Variants in KIAA1549L observed in about 807,000 individuals in gnomAD.
KIAA1549L encodes KIAA1549 like.
KIAA1549L carries 88 observed loss-of-function variants against 160.7 expected under a neutral mutation model. That is an observed-to-expected ratio of 0.55 (90% CI 0.46 to 0.65). The LOEUF (loss-of-function observed/expected upper bound fraction) is 0.65. KIAA1549L is among the 30% of genes least tolerant of loss of function. The probability of loss-of-function intolerance (pLI) is 0.00; values close to 1 mark genes in which losing one functional copy is unlikely to be tolerated. For missense variants in KIAA1549L, 2,258 were observed against 2,437.5 expected (o/e 0.93, Z 1.55); for synonymous variants, 950 against 976.7 (o/e 0.97, Z 0.51).
chr11:33,524,628 A>G lies in KIAA1549L; in HGVS notation c.239-17174A>G, dbSNP rs755120577. ...TCTAGGTATAGCTTTTACTGTTCCA[A>G]CTGAGTGTTGGGAGAGTGTTAAAAA... On this transcript the variant is annotated intron_variant, in intron 1 of 20. Coordinates refer to ENST00000658780, the MANE Select transcript of KIAA1549L (RefSeq NM_012194.3). 4.1e-4 allele frequency among the ~76,000 whole-genome samples: 63 copies of G among 152,194 alleles called. 1 individual carries two copies. Among genetic ancestry groups the G allele is most frequent in the Non-Finnish European group, 7.1e-4 (48 of 68,038 alleles).
At chr11:33,616,888 C>T (rs1485967173) in intron 15 of KIAA1549L, among the ~76,000 whole-genome samples, 2 of 152,114 alleles carry the variant, frequency 1.3e-5, no homozygotes, top group African/African-American at 4.8e-5. Context: ...CCTGTAATCG[C>T]AGCACTTTGG....
intron 16 of KIAA1549L, among the ~76,000 whole-genome samples, chr11:33,631,950 C>T (rs1851301915): frequency 6.6e-6 from 1 of 152,142 alleles, no homozygotes; most frequent in Non-Finnish European, 1.5e-5. Flanking sequence ...GACTCCTGAG[C>T]TGAGACTTGA....
intron 16 of KIAA1549L, among the ~76,000 whole-genome samples, chr11:33,638,398 T>C (rs925903265): frequency 5.3e-5 from 2 of 37,790 alleles, no homozygotes; most frequent in South Asian, 1.3e-3. Flanking sequence ...GATTCATCTA[T>C]GTTATTTTAT....
intron 11 of KIAA1549L, among the ~76,000 whole-genome samples, chr11:33,587,173 ATTG>A (rs1849908910): frequency 6.6e-6 from 1 of 152,206 alleles, no homozygotes. Flanking sequence ...GTTGGCTTTT[ATTG>A]TTACCCATGC....
chr11:33,524,158 C>T (rs1226751936), intron 1 of KIAA1549L, among the ~76,000 whole-genome samples: 3 of 152,104 alleles, frequency 2.0e-5, no homozygotes, highest in Non-Finnish European at 4.4e-5. Flanking sequence ...GTTAATCTGT[C>T]TGTTTAGGTT....
At position 33,671,321 on chromosome 11, in the gene KIAA1549L, A is replaced by G. The variant is rs941026478; in HGVS notation, c.*3167A>G. ...GTGTCACTGTGAGGCAGCAGAGTCCATGCTCTGCATCAGGGGAGGTGCAGT... is the reference window on the plus strand; with the variant it reads ...GTGTCACTGTGAGGCAGCAGAGTCCGTGCTCTGCATCAGGGGAGGTGCAGT... On this transcript the variant is annotated 3_prime_UTR_variant, in exon 21 of 21. Coordinates refer to ENST00000658780, the MANE Select transcript of KIAA1549L (RefSeq NM_012194.3). 6 of 152,204 alleles carry G rather than the reference A, an allele frequency of 3.9e-5. No homozygotes were observed. Among genetic ancestry groups the G allele is most frequent in the Non-Finnish European group, 8.8e-5 (6 of 68,048 alleles). 9.4% of individuals were successfully genotyped at this position (152,204 alleles called of 1,614,324 possible).
At chr11:33,517,683 C>A (rs1309562306) in intron 1 of KIAA1549L, among the ~76,000 whole-genome samples, 1 of 152,062 alleles carries the variant, frequency 6.6e-6, no homozygotes, top group Non-Finnish European at 1.5e-5. Context: ...CTGGAATCAA[C>A]CACCCATTTT....
chr11:33,479,425 T>C (rs1383754562), intron 1 of KIAA1549L, among the ~76,000 whole-genome samples: 1 of 152,202 alleles, frequency 6.6e-6, no homozygotes, highest in Admixed American at 6.5e-5. Flanking sequence ...TAGAAGAGGT[T>C]GGCAAAGGGT....
chr11:33,391,694 C>T (rs1425951294), intron 1 of KIAA1549L, among the ~76,000 whole-genome samples: 1 of 152,176 alleles, frequency 6.6e-6, no homozygotes, highest in East Asian at 1.9e-4. Context: ...CCTTGGCCAG[C>T]TCTCACAACG....
At chr11:33,530,435 AAATATATATATATATATATAT>A (rs1428718090) in intron 1 of KIAA1549L, among the ~76,000 whole-genome samples, 9 of 7,074 alleles carry the variant, frequency 1.3e-3, no homozygotes, top group East Asian at 7.9e-3. Flanking sequence ...AAAAAAAAAA[AAATATATATATATATATATAT>A]ATATATATAT....
intron 1 of KIAA1549L, among the ~76,000 whole-genome samples, chr11:33,513,484 G>T (rs61887256): frequency 6.6e-6 from 1 of 152,252 alleles, no homozygotes; most frequent in Non-Finnish European, 1.5e-5. Context: ...ATTCAGTCCA[G>T]GGTCAGCCAC....
intron 1 of KIAA1549L, among the ~76,000 whole-genome samples, chr11:33,520,316 A>C (rs1853451495): frequency 6.6e-6 from 1 of 151,810 alleles, no homozygotes; most frequent in Non-Finnish European, 1.5e-5. Context: ...CCTAGTAACC[A>C]CTATTCTACT....
intron 1 of KIAA1549L, among the ~76,000 whole-genome samples, chr11:33,439,693 C>T (rs575249878): frequency 2.6e-5 from 4 of 151,776 alleles, no homozygotes; most frequent in South Asian, 2.1e-4. Flanking sequence ...TTACAGCCAC[C>T]GTGCCCGGCT....
At chr11:33,649,825 G>A (rs1452232345) in intron 17 of KIAA1549L, among the ~76,000 whole-genome samples, 8 of 143,844 alleles carry the variant, frequency 5.6e-5, no homozygotes, top group African/African-American at 1.6e-4. Context: ...CCAGGAGTTC[G>A]AGGCTGGCCT....
intron 16 of KIAA1549L, 147 bp from the exon 17 acceptor site, chr11:33,645,539 A>G: frequency 1.5e-6 from 1 of 647,946 alleles, no homozygotes; most frequent in Non-Finnish European, 2.7e-6. Flanking sequence ...CAGTAGTGTG[A>G]ATTCCTAGAT....
At chr11:33,629,079 A>G (rs1851201291) in intron 16 of KIAA1549L, among the ~76,000 whole-genome samples, 1 of 151,928 alleles carries the variant, frequency 6.6e-6, no homozygotes, top group Admixed American at 6.6e-5. Context: ...TTCTGGGTTG[A>G]AAATTCTTTT....
At chr11:33,530,421 AAAAAAAAAAAAAAAAATATATAT>A (rs1853715286) in intron 1 of KIAA1549L, among the ~76,000 whole-genome samples, 1 of 10,312 alleles carries the variant, frequency 9.7e-5, no homozygotes, top group African/African-American at 4.3e-4. Context: ...AAGGAAAAAA[AAAAAAAAAAAAAAAAATATATAT>A]ATATATATAT....
intron 1 of KIAA1549L, among the ~76,000 whole-genome samples, chr11:33,533,566 G>A (rs924269313): frequency 2.0e-5 from 3 of 152,184 alleles, no homozygotes; most frequent in East Asian, 1.9e-4. Flanking sequence ...ATACATGCAC[G>A]TGATCCTAAT....
At chr11:33,420,238 T>TTGTTTTG (rs1554975230) in intron 1 of KIAA1549L, among the ~76,000 whole-genome samples, 1 of 148,070 alleles carries the variant, frequency 6.8e-6, no homozygotes, top group African/African-American at 2.5e-5. Flanking sequence ...TTTTTTTGTT[T>TTGTTTTG]TTTTTTTTTT....
Sources: allele counts gnomAD v4.1 joint callset (sites outside exome capture counted in the v4.1 genomes callset), GRCh38; gene constraint gnomAD v4.1.1; transcripts MANE v1.5; gene names NCBI Gene and HGNC (gene_info 2026-07-23, HGNC 2026-07-21).